Variants in KCNIP4 observed in about 807,000 individuals in gnomAD.
KCNIP4 encodes potassium voltage-gated channel interacting protein 4, also known as Kv channel-interacting protein 4.
KCNIP4 carries 12 observed loss-of-function variants against 34.0 expected under a neutral mutation model. That is an observed-to-expected ratio of 0.35 (90% CI 0.23 to 0.57). The LOEUF (loss-of-function observed/expected upper bound fraction) is 0.57. Ranked by LOEUF, KCNIP4 falls within the 20% of genes least tolerant of loss-of-function variation. The pLI, the probability that KCNIP4 is intolerant of heterozygous loss-of-function variation, is 0.83. For missense variants in KCNIP4, 238 were observed against 311.7 expected, an observed-to-expected ratio of 0.76 and a Z score of 1.78; for synonymous variants, 124 against 102.2, an observed-to-expected ratio of 1.21 and a Z score of -1.29.
intron 1 of KCNIP4, among the ~76,000 whole-genome samples, chr4:21,136,649 T>C (rs899964331): frequency 2.6e-5 from 4 of 152,140 alleles, no homozygotes; most frequent in African/African-American, 9.7e-5. Context: ...GGTTTAGACA[T>C]GTCTATATTA....
chr4:21,515,445 T>G (rs1734673779), intron 1 of KCNIP4, among the ~76,000 whole-genome samples: 1 of 152,182 alleles, frequency 6.6e-6, no homozygotes, highest in Middle Eastern at 3.4e-3. Context: ...GAGACCATCC[T>G]GGTTAACACG....
intron 5 of KCNIP4, among the ~76,000 whole-genome samples, chr4:20,749,356 A>T (rs759642272): frequency 6.6e-6 from 1 of 152,266 alleles, no homozygotes; most frequent in African/African-American, 2.4e-5. Context: ...TACCACAGCA[A>T]CTGGCCCATA....
chr4:21,168,221 C>G (rs1277406074), intron 1 of KCNIP4, among the ~76,000 whole-genome samples: 1 of 152,118 alleles, frequency 6.6e-6, no homozygotes. Context: ...GCCTTTACCC[C>G]AGGCTTCTTG....
At chr4:21,537,796 G>A (rs931175116) in intron 1 of KCNIP4, among the ~76,000 whole-genome samples, 2 of 151,888 alleles carry the variant, frequency 1.3e-5, no homozygotes, top group South Asian at 2.1e-4. Context: ...GCCGGATCAC[G>A]AGGTCAGGAG....
At chr4:21,268,464 T>C (rs1761951317) in intron 1 of KCNIP4, among the ~76,000 whole-genome samples, 1 of 152,210 alleles carries the variant, frequency 6.6e-6, no homozygotes, top group African/African-American at 2.4e-5. Context: ...CCAGTACCAC[T>C]GTTTCCTCTC....
rs557302504 is a variant in KCNIP4, at chr4:21,238,766, G to A, written c.62-356057C>T. 2.2e-3 allele frequency among the ~76,000 whole-genome samples: 337 copies of A among 152,242 alleles called. 1 individual carries two copies. The highest frequency in any genetic ancestry group is 7.4e-3 in the African/African-American group (309 of 41,548). On this transcript the variant is annotated intron_variant, in intron 1 of 8. Transcript: ENST00000382152. Reference sequence around the variant, plus strand: ...ATGGAAGAACATTCCATGCTCATGGGTAGGAAGAATCAATATCATGAAAAT... The same window carrying A: ...ATGGAAGAACATTCCATGCTCATGGATAGGAAGAATCAATATCATGAAAAT...
chr4:21,740,465 C>T (rs1159114966), intron 1 of KCNIP4, among the ~76,000 whole-genome samples: 1 of 151,796 alleles, frequency 6.6e-6, no homozygotes, highest in Non-Finnish European at 1.5e-5. Context: ...TTAATCATAT[C>T]ACATGTGCCA....
intron 1 of KCNIP4, among the ~76,000 whole-genome samples, chr4:21,253,553 T>A (rs1760864638): frequency 6.6e-6 from 1 of 152,236 alleles, no homozygotes. Context: ...TATAGAGGAA[T>A]GTTCCATCAG....
chr4:21,788,511 C>T (rs1720059807), intron 1 of KCNIP4, among the ~76,000 whole-genome samples: 1 of 152,102 alleles, frequency 6.6e-6, no homozygotes, highest in Non-Finnish European at 1.5e-5. Context: ...CAAGATGGAA[C>T]AAGATGCATG....
chr4:21,684,628 A>G (rs776470863), intron 1 of KCNIP4, among the ~76,000 whole-genome samples: 5 of 152,196 alleles, frequency 3.3e-5, no homozygotes, highest in Admixed American at 6.5e-5. Flanking sequence ...GAAAAAGCCA[A>G]GATTAATAGT....
At chr4:21,805,937 G>A (rs1721266782) in intron 1 of KCNIP4, among the ~76,000 whole-genome samples, 1 of 152,176 alleles carries the variant, frequency 6.6e-6, no homozygotes, top group Admixed American at 6.5e-5. Context: ...TAGGCATGAT[G>A]AAATGAATGT....
intron 1 of KCNIP4, among the ~76,000 whole-genome samples, chr4:21,348,076 T>C (rs1717633024): frequency 6.6e-6 from 1 of 152,152 alleles, no homozygotes; most frequent in Non-Finnish European, 1.5e-5. Flanking sequence ...AGGCCAGCTG[T>C]GTGGCCTGGA....
chr4:20,737,857 G>T (rs1212277371), intron 5 of KCNIP4, among the ~76,000 whole-genome samples: 1 of 152,236 alleles, frequency 6.6e-6, no homozygotes, highest in East Asian at 1.9e-4. Context: ...GCAGGCTGGG[G>T]ATCATGGCTC....
chr4:21,208,503 A>G (rs1256689579), intron 1 of KCNIP4, among the ~76,000 whole-genome samples: 1 of 152,180 alleles, frequency 6.6e-6, no homozygotes, highest in Non-Finnish European at 1.5e-5. Flanking sequence ...ATCTTCTAAC[A>G]TGCTTCAACC....
intron 1 of KCNIP4, among the ~76,000 whole-genome samples, chr4:21,276,920 C>G (rs990581494): frequency 4.4e-4 from 67 of 152,132 alleles, no homozygotes; most frequent in Non-Finnish European, 8.8e-5. Context: ...TCCATCCTGT[C>G]TGGAACATGA....
At chr4:20,838,114 G>A (rs1452585369) in intron 3 of KCNIP4, among the ~76,000 whole-genome samples, 1 of 152,172 alleles carries the variant, frequency 6.6e-6, no homozygotes, top group Non-Finnish European at 1.5e-5. Context: ...GTGAAGACTA[G>A]GTTCTATGTG....
intron 1 of KCNIP4, among the ~76,000 whole-genome samples, chr4:21,172,277 C>T (rs1016072208): frequency 2.1e-4 from 32 of 152,106 alleles, no homozygotes; most frequent in African/African-American, 7.5e-4. Context: ...AGCAATCCGC[C>T]GGCCTTGACC....
intron 1 of KCNIP4, among the ~76,000 whole-genome samples, chr4:21,309,871 G>A (rs1322922455): frequency 6.6e-6 from 1 of 152,204 alleles, no homozygotes; most frequent in African/African-American, 2.4e-5. Context: ...AAAGCTGACA[G>A]GCTCTAATGG....
intron 1 of KCNIP4, among the ~76,000 whole-genome samples, chr4:21,519,765 G>GTA (rs1374429018): frequency 1.5e-5 from 2 of 136,526 alleles, no homozygotes; most frequent in African/African-American, 2.9e-5. Context: ...GTATGTATGT[G>GTA]TGTATACACA....
Sources: allele counts gnomAD v4.1 joint callset (sites outside exome capture counted in the v4.1 genomes callset), GRCh38; gene constraint gnomAD v4.1.1; transcripts MANE v1.5; gene names NCBI Gene and HGNC (gene_info 2026-07-23, HGNC 2026-07-21).